Variants in TTC13 observed in about 807,000 individuals in gnomAD.
The protein encoded by TTC13 is tetratricopeptide repeat protein 13.
Under a neutral mutation model 120.0 loss-of-function variants are expected in TTC13, and 62 were observed. The observed-to-expected ratio is 0.52, with a 90% CI of 0.42 to 0.64. The LOEUF (loss-of-function observed/expected upper bound fraction) is 0.64. TTC13 is among the 30% of genes least tolerant of loss of function. TTC13 has a pLI of 0.00. For synonymous variants in TTC13, 384 were observed against 393.5 expected (o/e 0.98, Z 0.28); for missense variants, 824 against 1,050.2 (o/e 0.78, Z 2.98).
chr1:230,950,623 G>T (rs1675483611), intron 4 of TTC13, among the ~76,000 whole-genome samples: 1 of 152,186 alleles, frequency 6.6e-6, no homozygotes, highest in Non-Finnish European at 1.5e-5. Context: ...TCACCTAAGT[G>T]ACGAACACAC....
chr1:230,970,737 A>T (rs35801648), intron 1 of TTC13, among the ~76,000 whole-genome samples: 1 of 152,082 alleles, frequency 6.6e-6, no homozygotes, highest in African/African-American at 2.4e-5. Context: ...CTGAAAGCTT[A>T]TAAGTGGCAA....
At chr1:230,922,009 T>C (rs969779685) in intron 15 of TTC13, among the ~76,000 whole-genome samples, 1 of 152,182 alleles carries the variant, frequency 6.6e-6, no homozygotes, top group Non-Finnish European at 1.5e-5. Context: ...TCAGCCAACA[T>C]GCTGAGTCAC....
At chr1:230,964,878 G>A (rs1269926902) in intron 1 of TTC13, among the ~76,000 whole-genome samples, 3 of 152,164 alleles carry the variant, frequency 2.0e-5, no homozygotes, top group African/African-American at 7.2e-5. Flanking sequence ...ACACACTGGG[G>A]AAGGCAGTCT....
chr1:230,949,941 G>A (rs187185476), intron 4 of TTC13, among the ~76,000 whole-genome samples: 2 of 152,126 alleles, frequency 1.3e-5, no homozygotes, highest in African/African-American at 2.4e-5. Context: ...GAGCCACCAC[G>A]CCCGGCCCAA....
intron 1 of TTC13, among the ~76,000 whole-genome samples, chr1:230,975,815 G>A (rs1301421112): frequency 6.6e-6 from 1 of 152,104 alleles, no homozygotes; most frequent in Non-Finnish European, 1.5e-5. Flanking sequence ...GTAGATCTGG[G>A]TGGGGCTCAG....
rs1229913020 is a variant in TTC13 at position 230,954,313 on chromosome 1, T to G, written c.513+20A>C. 8.8e-6 allele frequency: 14 copies of G among 1,594,206 alleles called. No individual in the cohort carries two copies. In the Admixed American group the frequency reaches 1.9e-4, roughly 21 times the overall value. The stretch of plus-strand genomic sequence containing the variant: ...TCATGACCATAAACTCAAAATTACA[T>G]AAATAAGAAGAAAATTTACCTGAAG... On this transcript the variant is annotated intron_variant, in intron 4 of 22. Coordinates refer to ENST00000366661, the MANE Select transcript of TTC13 (RefSeq NM_024525.5).
At chr1:230,936,304 C>G (rs540871249) in intron 8 of TTC13, 1 of 450,288 alleles carries the variant, frequency 2.2e-6, no homozygotes, top group South Asian at 1.6e-5. Context: ...GATTTTAAGG[C>G]GTTGGGAACA....
intron 16 of TTC13, 120 bp from the exon 17 acceptor site, chr1:230,920,714 ATGGT>A: frequency 1.8e-6 from 1 of 547,188 alleles, no homozygotes; most frequent in East Asian, 3.3e-5. Context: ...AACATTCAAA[ATGGT>A]AGGCCACAAA....
intron 4 of TTC13, among the ~76,000 whole-genome samples, chr1:230,951,113 G>A (rs780433146): frequency 8.5e-5 from 13 of 152,078 alleles, no homozygotes; most frequent in Admixed American, 8.5e-4. Flanking sequence ...TTGAAACACC[G>A]AGGATTATGG....
chr1:230,926,655 G>A (rs1452044700), intron 12 of TTC13, among the ~76,000 whole-genome samples: 2 of 152,196 alleles, frequency 1.3e-5, no homozygotes, highest in African/African-American at 4.8e-5. Flanking sequence ...TCATAGACCT[G>A]CTACTATGTT....
At chr1:230,950,270 A>C (rs142030668) in intron 4 of TTC13, among the ~76,000 whole-genome samples, 28 of 152,088 alleles carry the variant, frequency 1.8e-4, no homozygotes, top group African/African-American at 6.3e-4. Context: ...AAGTTTTCAG[A>C]AACTTTTTAA....
At chr1:230,966,348 C>G (rs1317557162) in intron 1 of TTC13, among the ~76,000 whole-genome samples, 4 of 152,054 alleles carry the variant, frequency 2.6e-5, no homozygotes, top group Admixed American at 2.6e-4. Context: ...AAAAATCTCT[C>G]TATGATTTGT....
At position 230,940,593 on chromosome 1, in the gene TTC13, A is replaced by C. The variant is rs771931587; in HGVS notation, c.673-37T>G. 9 of 1,341,890 alleles carry C rather than the reference A, an allele frequency of 6.7e-6. No homozygotes were observed. In the Admixed American group the frequency reaches 1.0e-4, roughly 15 times the overall value. The allele number at this position is 1,341,890 out of a possible 1,614,324, so 83.1% of individuals were successfully genotyped here. Reference sequence around the variant, plus strand: ...AAACATGTAATCAGGAAGAATACCAATGACCAACCCTAAAATCCCAATGTT... The same window carrying C: ...AAACATGTAATCAGGAAGAATACCACTGACCAACCCTAAAATCCCAATGTT... On this transcript the variant is annotated intron_variant, in intron 6 of 22. Coordinates refer to ENST00000366661, the MANE Select transcript of TTC13 (RefSeq NM_024525.5). This position sits in a 1 kb window ranked among gnomAD's most constrained non-coding sequence, Gnocchi z 4.1.
In TTC13 at chr1:230,957,306, G is replaced by T. The variant is rs183837262; in HGVS notation, c.442+918C>A. 7.4e-4 allele frequency among the ~76,000 whole-genome samples: 112 copies of T among 152,244 alleles called. 1 individual carries two copies. Among genetic ancestry groups the T allele is most frequent in the African/African-American group, 2.6e-3 (109 of 41,554 alleles). ...TTTTAAAAAATTAGCCAGGCACGGTGGTGTGCACCTGTAATCCTACCTACT... is the reference window on the plus strand; with the variant it reads ...TTTTAAAAAATTAGCCAGGCACGGTTGTGTGCACCTGTAATCCTACCTACT... On this transcript the variant is annotated intron_variant, in intron 3 of 22. Transcript: ENST00000366661.
intron 11 of TTC13, 81 bp downstream of exon 11, chr1:230,931,217 C>G: frequency 6.8e-7 from 1 of 1,464,396 alleles, no homozygotes; most frequent in Non-Finnish European, 9.3e-7. Context: ...CTGTTTCATA[C>G]GAAACATAAA....
chr1:230,920,384 T>C, intron 17 of TTC13, 126 bp downstream of exon 17: 2 of 615,170 alleles, frequency 3.3e-6, no homozygotes, highest in Non-Finnish European at 5.5e-6. Flanking sequence ...TTTTGGTTAT[T>C]ATTCAGAATG....
chr1:230,965,993 C>A (rs1367569923), intron 1 of TTC13, among the ~76,000 whole-genome samples: 6 of 152,126 alleles, frequency 3.9e-5, no homozygotes. Context: ...GATTATATAT[C>A]ACTTTTCATT....
intron 4 of TTC13, among the ~76,000 whole-genome samples, chr1:230,953,023 G>A (rs189699512): frequency 3.3e-5 from 5 of 152,264 alleles, no homozygotes; most frequent in Admixed American, 2.6e-4. Context: ...TAAATTAACT[G>A]ATATTTGCTC....
Position 230,943,673 on chromosome 1 carries a change from C to T in TTC13, c.672+133G>A, listed in dbSNP as rs192703537. On this transcript the variant is annotated intron_variant, in intron 6 of 22. Transcript: ENST00000366661. ...TATTAATTTCAACCATGCTTAAAGG[C>T]ATTAAGTACCGACATAGAAAAACAT... The T allele has an allele frequency of 7.7e-4, 470 of 607,102 alleles. 1 individual carries two copies. Among genetic ancestry groups the T allele is most frequent in the Non-Finnish European group, 1.1e-3 (393 of 356,088 alleles). 37.6% of individuals were successfully genotyped at this position (607,102 alleles called of 1,614,324 possible).
Sources: gnomAD v4.1 joint callset for allele counts (sites outside exome capture counted in the v4.1 genomes callset) on GRCh38, gnomAD v4.1.1 for gene constraint, Gnocchi (gnomAD v3.1) non-coding constraint, MANE v1.5 for transcripts, NCBI Gene and HGNC (gene_info 2026-07-23, HGNC 2026-07-21) for gene names.